CKAP2: variants seen among roughly 807,000 people sequenced by gnomAD.
CKAP2 encodes cytoskeleton-associated protein 2.
CKAP2 carries 46 observed loss-of-function variants against 58.4 expected under a neutral mutation model. The ratio of observed to expected loss-of-function variants is 0.79; its 90% CI spans 0.62 to 1.01. The LOEUF (loss-of-function observed/expected upper bound fraction) is 1.01, where lower values mean the gene tolerates loss of function less well. Ranked by LOEUF, CKAP2 falls within the 50% of genes least tolerant of loss-of-function variation. The pLI is 0.00. For missense variants in CKAP2, 809 were observed against 796.4 expected, an observed-to-expected ratio of 1.02 and a Z score of -0.19; for synonymous variants, 293 against 280.9, an observed-to-expected ratio of 1.04 and a Z score of -0.43.
rs1958822867 is a variant in CKAP2, at chr13:52,475,939, T to TG, written c.*798_*799insG. On this transcript the variant is annotated 3_prime_UTR_variant, in exon 9 of 9. Transcript: ENST00000258607. Reference sequence around the variant, plus strand: ...TTAGAATGGAGTTAGGGAAAGAACATATCATACTGAACAAATGTCATTCTA... The same window carrying TG: ...TTAGAATGGAGTTAGGGAAAGAACATGATCATACTGAACAAATGTCATTCTA... The TG allele has an allele frequency of 2.6e-5, 4 of 152,362 alleles. No individual in the cohort carries two copies. Among genetic ancestry groups the TG allele is most frequent in the Admixed American group, 1.3e-4 (2 of 15,310 alleles). 9.4% of individuals were successfully genotyped at this position (152,362 alleles called of 1,614,324 possible).
intron 7 of CKAP2, among the ~76,000 whole-genome samples, chr13:52,472,529 C>G (rs1958774252): frequency 6.6e-6 from 1 of 152,058 alleles, no homozygotes; most frequent in Non-Finnish European, 1.5e-5. Context: ...ACCAGGATGT[C>G]TCACAAGTAT....
In CKAP2 at chr13:52,459,245, A is replaced by G. The variant is rs567133667; in HGVS notation, c.156-1654A>G. ...TTCCTTCTCCAAGCTGACAGAACAA[A>G]TAGATATGAAAGGCAATGTAAGCAA... is the stretch of plus-strand genomic sequence containing the variant. On this transcript the variant is annotated intron_variant, in intron 2 of 8. Transcript: ENST00000258607. Among the ~76,000 whole-genome samples, 24 of 152,354 alleles carry G rather than the reference A, an allele frequency of 1.6e-4. 1 individual carries two copies. The South Asian group carries it at 1.9e-3, about 12-fold the overall frequency.
chr13:52,460,637 A>G (rs12866903), intron 2 of CKAP2, among the ~76,000 whole-genome samples: 10 of 122,234 alleles, frequency 8.2e-5, no homozygotes, highest in Non-Finnish European at 1.8e-4. Context: ...TATTTTTAGT[A>G]GAGACGGGGT....
intron 1 of CKAP2, chr13:52,455,903 C>T (rs1958470371): frequency 8.8e-7 from 1 of 1,137,290 alleles, no homozygotes; most frequent in Non-Finnish European, 1.1e-6. Context: ...GCGCGGGCCT[C>T]AGGCCGGGGT....
chr13:52,462,858 A>G (rs1958607522), intron 5 of CKAP2, among the ~76,000 whole-genome samples: 1 of 152,170 alleles, frequency 6.6e-6, no homozygotes, highest in African/African-American at 2.4e-5. Context: ...AAGTAATTGA[A>G]GATGTTTTTT....
chr13:52,459,031 G>GT (rs1958530477), intron 2 of CKAP2, among the ~76,000 whole-genome samples: 1 of 152,062 alleles, frequency 6.6e-6, no homozygotes. Context: ...TCTGAGGGCA[G>GT]TTTTATAATA....
intron 8 of CKAP2, among the ~76,000 whole-genome samples, chr13:52,474,553 T>TA (rs1400744353): frequency 2.0e-5 from 3 of 152,354 alleles, no homozygotes; most frequent in African/African-American, 7.2e-5. Context: ...TTTCACCTCT[T>TA]AAATACTGTA....
chr13:52,455,700 G>A, intron 1 of CKAP2, 74 bp downstream of exon 1: 1 of 1,380,656 alleles, frequency 7.2e-7, no homozygotes, highest in Non-Finnish European at 9.4e-7. Context: ...GTCGGGGCTC[G>A]GGGCCGCGCT....
intron 1 of CKAP2, 40 bp from the exon 2 acceptor site, chr13:52,456,483 T>G (rs1476483562): frequency 4.9e-6 from 7 of 1,427,686 alleles, no homozygotes; most frequent in Non-Finnish European, 6.8e-6. Flanking sequence ...ATCGATGTTT[T>G]AACTAATATT....
rs1958751565 is a variant in CKAP2, at chr13:52,470,821, A to C, written c.1546+2474A>C. Among the ~76,000 whole-genome samples, 3 of 152,222 alleles carry C rather than the reference A, an allele frequency of 2.0e-5. No individual in the cohort carries two copies. The South Asian group carries it at 6.2e-4, about 32-fold the overall frequency. Reference sequence around the variant, plus strand: ...GGAGGGAGAGAAGGGAAAACCGAGGAAAGATTAGTGTACCACAAACAAAAG... The same window carrying C: ...GGAGGGAGAGAAGGGAAAACCGAGGCAAGATTAGTGTACCACAAACAAAAG... On this transcript the variant is annotated intron_variant, in intron 7 of 8. Coordinates refer to ENST00000258607, the MANE Select transcript of CKAP2 (RefSeq NM_018204.5).
chr13:52,456,550 A>G lies in CKAP2; in HGVS notation c.98A>G (p.His33Arg), dbSNP rs1958483338. Residue 33 changes from histidine to arginine, a missense_variant, in exon 2 of 9, where the codon CAT becomes CGT. Physicochemically the swap from His to Arg is conservative, Grantham distance 29. Transcript: ENST00000258607. Reference protein sequence around the residue: ...KEQRRQKLKEHLLRRKTLFAY... With the variant: ...KEQRRQKLKERLLRRKTLFAY... ...CAAAGAAGACAAAAACTCAAGGAAC[A>G]TCTGTTGAGAAGAAAAACGCTTTTT... The G allele has an allele frequency of 1.2e-6, 2 of 1,613,800 alleles. No individual in the cohort carries two copies. The highest frequency in any genetic ancestry group is 1.7e-6 in the Non-Finnish European group (2 of 1,179,832).
chr13:52,455,635 C>CGTGGTG lies in CKAP2; in HGVS notation c.70+10_70+11insTGGTGG. 6.4e-7 allele frequency: 1 copy of CGTGGTG among 1,562,974 alleles called. No homozygotes were observed. Among genetic ancestry groups the CGTGGTG allele is most frequent in the East Asian group, 2.5e-5 (1 of 39,432 alleles). On this transcript the variant is annotated intron_variant, in intron 1 of 8. Coordinates refer to ENST00000258607, the MANE Select transcript of CKAP2 (RefSeq NM_018204.5). ...GCAGTCCGCATTCAAAGGTGAAGGC[C>CGTGGTG]GCGGTGGCGGTGGCGGTGGCGGTGG...
At chr13:52,457,692 A>G (rs1442589312) in intron 2 of CKAP2, among the ~76,000 whole-genome samples, 1 of 152,180 alleles carries the variant, frequency 6.6e-6, no homozygotes, top group Non-Finnish European at 1.5e-5. Flanking sequence ...GTCTCTACTA[A>G]AAATACAAAA....
chr13:52,456,770 A>G (rs1958490016), intron 2 of CKAP2, among the ~76,000 whole-genome samples, 163 bp downstream of exon 2: 1 of 152,206 alleles, frequency 6.6e-6, no homozygotes, highest in Non-Finnish European at 1.5e-5. Flanking sequence ...AACGTCTTTA[A>G]AATCTGGTGT....
intron 7 of CKAP2, among the ~76,000 whole-genome samples, chr13:52,473,126 C>G (rs1262224836): frequency 6.6e-6 from 1 of 151,954 alleles, no homozygotes; most frequent in Non-Finnish European, 1.5e-5. Flanking sequence ...TCCTAACTTA[C>G]TTAGGCTATT....
chr13:52,472,250 G>C (rs1245357072), intron 7 of CKAP2, among the ~76,000 whole-genome samples: 2 of 152,098 alleles, frequency 1.3e-5, no homozygotes, highest in Non-Finnish European at 2.9e-5. Context: ...GTACTATGTA[G>C]TTGTTTGTCC....
Position 52,475,161 on chromosome 13 carries a change from G to A in CKAP2, c.*20G>A, listed in dbSNP as rs1302691383. The stretch of plus-strand genomic sequence containing the variant: ...ACATAAGAGAAATAAAGCTCTGTTA[G>A]GGAATGGGGTTTTTATTATTTGTGG... On this transcript the variant is annotated 3_prime_UTR_variant, in exon 9 of 9. Transcript: ENST00000258607. 4 of 1,603,674 alleles carry A rather than the reference G, an allele frequency of 2.5e-6. No individual in the cohort carries two copies. Among genetic ancestry groups the A allele is most frequent in the Non-Finnish European group, 3.4e-6 (4 of 1,174,626 alleles).
Position 52,475,470 on chromosome 13 carries a change from C to G in CKAP2, c.*329C>G, listed in dbSNP as rs1260883629. On this transcript the variant is annotated 3_prime_UTR_variant, in exon 9 of 9. Coordinates refer to ENST00000258607, the MANE Select transcript of CKAP2 (RefSeq NM_018204.5). ...ACTAAATATAAGTACAGTAATGATG[C>G]ATAATTAGAAAATGAGGTATTCTAG... is the stretch of plus-strand genomic sequence containing the variant. The G allele has an allele frequency of 1.6e-5, 3 of 189,938 alleles. No homozygotes were observed. The highest frequency in any genetic ancestry group is 3.2e-5 in the Non-Finnish European group (3 of 93,320). 11.8% of individuals were successfully genotyped at this position (189,938 alleles called of 1,614,324 possible).
chr13:52,468,106 A>G (rs897855965), intron 6 of CKAP2, among the ~76,000 whole-genome samples, 172 bp from the exon 7 acceptor site: 1 of 152,042 alleles, frequency 6.6e-6, no homozygotes, highest in African/African-American at 2.4e-5. Flanking sequence ...CATCGTGCCC[A>G]GCCAAGACAG....
Sources: gnomAD v4.1 joint callset for allele counts (sites outside exome capture counted in the v4.1 genomes callset) on GRCh38, gnomAD v4.1.1 for gene constraint, MANE v1.5 for transcripts, NCBI Gene and HGNC (gene_info 2026-07-23, HGNC 2026-07-21) for gene names.